Variants in ATRNL1 observed in about 807,000 individuals in gnomAD.
ATRNL1 encodes the protein attractin-like protein 1.
Under a neutral mutation model 182.7 loss-of-function variants are expected in ATRNL1, and 95 were observed. The ratio of observed to expected loss-of-function variants is 0.52; its 90% CI spans 0.44 to 0.62. The LOEUF is 0.62. ATRNL1 is among the 20% of genes least tolerant of loss of function. The probability of loss-of-function intolerance (pLI) is 0.00; values close to 1 mark genes in which losing one functional copy is unlikely to be tolerated. For synonymous variants in ATRNL1, 576 were observed against 568.3 expected (o/e 1.01, Z -0.19); for missense variants, 1,471 against 1,679.5 (o/e 0.88, Z 2.17).
intron 27 of ATRNL1, among the ~76,000 whole-genome samples, chr10:115,797,818 T>C (rs1271709775): frequency 6.6e-6 from 1 of 152,222 alleles, no homozygotes; most frequent in Non-Finnish European, 1.5e-5. Context: ...CATAGGGCTA[T>C]CTGGGCTGAG....
intron 26 of ATRNL1, among the ~76,000 whole-genome samples, chr10:115,616,729 T>A (rs1373253104): frequency 3.3e-5 from 5 of 152,102 alleles, no homozygotes; most frequent in Non-Finnish European, 7.4e-5. Context: ...CTACAGAGGG[T>A]GCAAGCCATA....
Position 115,874,136 on chromosome 10 carries a change from C to T in ATRNL1, c.4018+26145C>T, listed in dbSNP as rs912086356. On this transcript the variant is annotated intron_variant, in intron 28 of 28. Transcript: ENST00000355044. ...TCATGGTTGATGCCCTTCTGACAGC[C>T]TGCTGGAGAAGATCTGTTGCCTTTT... 5.9e-5 allele frequency among the ~76,000 whole-genome samples: 9 copies of T among 152,306 alleles called. No homozygotes were observed. The East Asian group carries it at 1.7e-3, about 29-fold the overall frequency.
intron 26 of ATRNL1, among the ~76,000 whole-genome samples, chr10:115,691,182 C>T (rs782156193): frequency 6.6e-6 from 1 of 152,124 alleles, no homozygotes; most frequent in Non-Finnish European, 1.5e-5. Context: ...TTATTTTTAA[C>T]CTTCAGGAAC....
intron 20 of ATRNL1, among the ~76,000 whole-genome samples, chr10:115,409,067 C>A (rs1221804902): frequency 6.6e-6 from 1 of 152,056 alleles, no homozygotes; most frequent in African/African-American, 2.4e-5. Context: ...TTCTGAGGTT[C>A]TATACAAATT....
chr10:115,216,449 G>A (rs1849237271), intron 9 of ATRNL1, among the ~76,000 whole-genome samples: 1 of 152,144 alleles, frequency 6.6e-6, no homozygotes, highest in Non-Finnish European at 1.5e-5. Context: ...TTTTGCCAAG[G>A]TGATGGGTGT....
intron 21 of ATRNL1, among the ~76,000 whole-genome samples, chr10:115,460,652 A>C (rs1485982421): frequency 6.6e-6 from 1 of 151,988 alleles, no homozygotes; most frequent in Non-Finnish European, 1.5e-5. Context: ...CTCTGCCTGG[A>C]ATATTTTTTT....
At chr10:115,776,234 G>A (rs1555077912) in intron 27 of ATRNL1, among the ~76,000 whole-genome samples, 1 of 152,164 alleles carries the variant, frequency 6.6e-6, no homozygotes, top group Non-Finnish European at 1.5e-5. Context: ...TTACTCCAAA[G>A]TAGACCTTGG....
intron 8 of ATRNL1, among the ~76,000 whole-genome samples, chr10:115,189,284 T>G (rs1848077188): frequency 6.6e-6 from 1 of 152,162 alleles, no homozygotes; most frequent in Non-Finnish European, 1.5e-5. Context: ...ACAACTATGT[T>G]AGTGATTTAT....
At chr10:115,681,063 C>G (rs1352201615) in intron 26 of ATRNL1, among the ~76,000 whole-genome samples, 2 of 152,032 alleles carry the variant, frequency 1.3e-5, no homozygotes. Flanking sequence ...TTTAAACTAT[C>G]AAAATTTACA....
intron 27 of ATRNL1, among the ~76,000 whole-genome samples, chr10:115,754,637 G>T (rs1948538195): frequency 6.6e-6 from 1 of 152,266 alleles, no homozygotes; most frequent in African/African-American, 2.4e-5. Flanking sequence ...GACTAGGATT[G>T]TCTTGGCAGT....
At chr10:115,668,551 A>C (rs941224337) in intron 26 of ATRNL1, among the ~76,000 whole-genome samples, 3 of 152,148 alleles carry the variant, frequency 2.0e-5, no homozygotes, top group African/African-American at 7.2e-5. Context: ...CATTATTTCA[A>C]AATGAAATCT....
intron 28 of ATRNL1, among the ~76,000 whole-genome samples, chr10:115,893,342 A>T (rs1952126958): frequency 6.6e-6 from 1 of 152,172 alleles, no homozygotes; most frequent in African/African-American, 2.4e-5. Flanking sequence ...AGAGAAAAAG[A>T]CTTTAAAAGA....
intron 13 of ATRNL1, among the ~76,000 whole-genome samples, chr10:115,272,606 C>T (rs991150661): frequency 3.9e-5 from 6 of 152,184 alleles, no homozygotes; most frequent in African/African-American, 1.4e-4. Context: ...GTACCACTCC[C>T]ATTTCCACCC....
chr10:115,641,109 A>G (rs2133856883), intron 26 of ATRNL1, among the ~76,000 whole-genome samples: 1 of 152,282 alleles, frequency 6.6e-6, no homozygotes, highest in South Asian at 2.1e-4. Context: ...CTGATCTGGA[A>G]GATGAGCCAA....
At chr10:115,552,496 C>T (rs782608646) in intron 26 of ATRNL1, among the ~76,000 whole-genome samples, 25 of 151,260 alleles carry the variant, frequency 1.7e-4, no homozygotes, top group Non-Finnish European at 2.7e-4. Flanking sequence ...TTTATTTCAG[C>T]AGTTATACTA....
chr10:115,100,939 C>T (rs74321166), intron 1 of ATRNL1, among the ~76,000 whole-genome samples: 1,722 of 152,188 alleles, frequency 0.011, 29 homozygotes, highest in African/African-American at 0.038. Context: ...GATCTTGCAC[C>T]TCTTTTGTCA....
intron 27 of ATRNL1, among the ~76,000 whole-genome samples, chr10:115,802,831 T>A (rs2134238750): frequency 6.6e-6 from 1 of 152,294 alleles, no homozygotes; most frequent in African/African-American, 2.4e-5. Context: ...TTAGTAAAAC[T>A]TTTCCAGAAT....
At chr10:115,908,938 G>C (rs2134514449) in intron 28 of ATRNL1, among the ~76,000 whole-genome samples, 1 of 152,150 alleles carries the variant, frequency 6.6e-6, no homozygotes, top group Non-Finnish European at 1.5e-5. Context: ...ACCCTTGGTG[G>C]GCAGAGCAGT....
intron 5 of ATRNL1, among the ~76,000 whole-genome samples, chr10:115,136,471 A>G (rs1364178683): frequency 6.6e-6 from 1 of 152,104 alleles, no homozygotes; most frequent in Non-Finnish European, 1.5e-5. Flanking sequence ...CATAGTTTAC[A>G]TTAGCATTCA....
Sources: allele counts gnomAD v4.1 joint callset (sites outside exome capture counted in the v4.1 genomes callset), GRCh38; gene constraint gnomAD v4.1.1; transcripts MANE v1.5; gene names NCBI Gene and HGNC (gene_info 2026-07-23, HGNC 2026-07-21).